Variants in USP54 observed in about 807,000 individuals in gnomAD.
USP54 encodes the protein ubiquitin carboxyl-terminal hydrolase 54.
USP54 carries 87 observed loss-of-function variants against 170.5 expected under a neutral mutation model. The ratio of observed to expected loss-of-function variants is 0.51; its 90% CI spans 0.43 to 0.61. USP54 has a LOEUF of 0.61. USP54 is among the 20% of genes least tolerant of loss of function. USP54 has a pLI of 0.00. For synonymous variants in USP54, 655 were observed against 742.8 expected, an observed-to-expected ratio of 0.88 and a Z score of 1.92; for missense variants, 1,786 against 2,047.8, an observed-to-expected ratio of 0.87 and a Z score of 2.47.
At chr10:73,558,391 C>G (rs186872353) in intron 4 of USP54, among the ~76,000 whole-genome samples, 1 of 152,186 alleles carries the variant, frequency 6.6e-6, no homozygotes, top group Non-Finnish European at 1.5e-5. Flanking sequence ...ATTCTATGTA[C>G]AAATCAAAGT....
At chr10:73,538,151 G>A (rs1334223249) in intron 10 of USP54, 1 of 152,036 alleles carries the variant, frequency 6.6e-6, no homozygotes, top group Admixed American at 6.6e-5. Context: ...GTTGCAGTGA[G>A]CTGAGATCGC....
At chr10:73,619,083 C>T (rs2080881886) in intron 1 of USP54, among the ~76,000 whole-genome samples, 2 of 149,770 alleles carry the variant, frequency 1.3e-5, no homozygotes, top group South Asian at 2.1e-4. Context: ...TATGGTGGGG[C>T]GTGCCTGTAG....
intron 4 of USP54, among the ~76,000 whole-genome samples, chr10:73,553,610 T>G (rs180728641): frequency 6.6e-6 from 1 of 152,080 alleles, no homozygotes; most frequent in Non-Finnish European, 1.5e-5. Flanking sequence ...GCAGCACCAA[T>G]AAGGAACAAA....
At chr10:73,544,858 C>T (rs1409776281) in intron 5 of USP54, among the ~76,000 whole-genome samples, 5 of 152,014 alleles carry the variant, frequency 3.3e-5, no homozygotes, top group South Asian at 2.1e-4. Context: ...GGACTATAGG[C>T]GCCCGCCACC....
chr10:73,561,063 CTATTG>C (rs2072839732), intron 4 of USP54, among the ~76,000 whole-genome samples: 1 of 137,664 alleles, frequency 7.3e-6, no homozygotes, highest in African/African-American at 2.8e-5. Flanking sequence ...CGAGATCATG[CTATTG>C]CACTCCAGCC....
At chr10:73,503,998 G>A (rs1197416218) in intron 22 of USP54, among the ~76,000 whole-genome samples, 2 of 152,194 alleles carry the variant, frequency 1.3e-5, no homozygotes, top group Admixed American at 6.5e-5. Context: ...TTACAGGCAT[G>A]AGCCACCACG....
intron 20 of USP54, among the ~76,000 whole-genome samples, chr10:73,514,146 C>T (rs916851302): frequency 9.9e-5 from 15 of 152,124 alleles, no homozygotes; most frequent in East Asian, 3.9e-4. Context: ...TTAGTAGAGA[C>T]GGGGTTTCAT....
chr10:73,598,014 G>A (rs1487164422), intron 1 of USP54, among the ~76,000 whole-genome samples: 1 of 151,994 alleles, frequency 6.6e-6, no homozygotes, highest in Non-Finnish European at 1.5e-5. Flanking sequence ...AATCCCCGGA[G>A]GCAGAGGTTG....
At chr10:73,520,799 A>C in intron 18 of USP54, 109 bp downstream of exon 18, 1 of 1,490,350 alleles carries the variant, frequency 6.7e-7, no homozygotes, top group Non-Finnish European at 9.1e-7. Context: ...GGAGAGCAAG[A>C]GTGAGGAGAC....
Position 73,580,661 on chromosome 10 carries a change from C to T in USP54, c.-581-4300G>A, listed in dbSNP as rs545982950. Among the ~76,000 whole-genome samples the T allele has an allele frequency of 5.0e-4, 76 of 152,260 alleles. 1 individual carries two copies. In the South Asian group the frequency reaches 0.016, roughly 32 times the overall value. ...GATCTTGGCTCACTGCAACCTCTGCCTCCCGGGCTCAAGCGATTTTCCTGC... is the reference window on the plus strand; with the variant it reads ...GATCTTGGCTCACTGCAACCTCTGCTTCCCGGGCTCAAGCGATTTTCCTGC... On this transcript the variant is annotated intron_variant, in intron 1 of 23. Coordinates refer to ENST00000687698, the MANE Select transcript of USP54 (RefSeq NM_001391956.1).
At chr10:73,524,807 C>T (rs2062571499) in intron 16 of USP54, among the ~76,000 whole-genome samples, 1 of 152,090 alleles carries the variant, frequency 6.6e-6, no homozygotes, top group Non-Finnish European at 1.5e-5. Flanking sequence ...ATAATTTGCC[C>T]AAGGTAAACC....
At chr10:73,554,656 CTTTA>C (rs1240353733) in intron 4 of USP54, among the ~76,000 whole-genome samples, 1 of 152,176 alleles carries the variant, frequency 6.6e-6, no homozygotes, top group African/African-American at 2.4e-5. Flanking sequence ...AATCAACTCC[CTTTA>C]TTTATCATTC....
intron 7 of USP54, among the ~76,000 whole-genome samples, chr10:73,542,279 T>C (rs2066778870): frequency 6.6e-6 from 1 of 152,176 alleles, no homozygotes; most frequent in Non-Finnish European, 1.5e-5. Context: ...TTGACATTTT[T>C]AGTAGAGACA....
In USP54 at chr10:73,498,714, A is replaced by C. The variant is rs553102168; in HGVS notation, c.4970T>G (p.Val1657Gly). The change falls in exon 24 of 24, where the codon GTG (valine) becomes GGG (glycine). Residue 1657 changes from valine to glycine, a missense_variant. Transcript: ENST00000687698. ...TAGAACAAACAGAAACCCCTCTCCC[A>C]CTGTTCTCCTGTGTCCAGAGTGGGA... ...YASHSGHRRTVGEGFLFVLSD... is the reference protein window; with the variant it reads ...YASHSGHRRTGGEGFLFVLSD... 6.2e-7 allele frequency: 1 copy of C among 1,612,232 alleles called. No individual in the cohort carries two copies. Among genetic ancestry groups the C allele is most frequent in the African/African-American group, 1.3e-5 (1 of 74,814 alleles).
intron 3 of USP54, among the ~76,000 whole-genome samples, chr10:73,573,496 G>A (rs1039801580): frequency 9.2e-5 from 14 of 152,114 alleles, no homozygotes. Flanking sequence ...GGGCACAGTG[G>A]CTCACGCCTG....
chr10:73,576,633 TAAAAAC>T (rs1298272333), intron 1 of USP54, among the ~76,000 whole-genome samples: 2 of 151,914 alleles, frequency 1.3e-5, no homozygotes, highest in African/African-American at 4.8e-5. Context: ...TGGATAGAAA[TAAAAAC>T]AAAATACAAA....
chr10:73,532,993 C>T lies in USP54; in HGVS notation c.1315+1607G>A, dbSNP rs190974616. 1.8e-3 allele frequency among the ~76,000 whole-genome samples: 275 copies of T among 152,186 alleles called. 1 individual carries two copies. Among genetic ancestry groups the T allele is most frequent in the African/African-American group, 5.8e-3 (242 of 41,542 alleles). ...TGGTTACCTATCAGTTTTAAGGAATCATCATTATTATTTTTAAGTGTTACA... is the reference window on the plus strand; with the variant it reads ...TGGTTACCTATCAGTTTTAAGGAATTATCATTATTATTTTTAAGTGTTACA... On this transcript the variant is annotated intron_variant, in intron 12 of 23. Coordinates refer to ENST00000687698, the MANE Select transcript of USP54 (RefSeq NM_001391956.1).
At chr10:73,577,279 A>G (rs2076243002) in intron 1 of USP54, among the ~76,000 whole-genome samples, 1 of 152,240 alleles carries the variant, frequency 6.6e-6, no homozygotes, top group Admixed American at 6.5e-5. Flanking sequence ...AAATGCTTTA[A>G]CATCTTAATC....
chr10:73,623,536 C>T (rs751789712), intron 1 of USP54, among the ~76,000 whole-genome samples: 3 of 152,096 alleles, frequency 2.0e-5, no homozygotes, highest in Non-Finnish European at 2.9e-5. Flanking sequence ...GTAGTCTCAG[C>T]TCTGTTCAGG....
Sources: allele counts gnomAD v4.1 joint callset (sites outside exome capture counted in the v4.1 genomes callset), GRCh38; gene constraint gnomAD v4.1.1; transcripts MANE v1.5; gene names NCBI Gene and HGNC (gene_info 2026-07-23, HGNC 2026-07-21).